WASF2: variants seen among roughly 807,000 people sequenced by gnomAD.
The protein encoded by WASF2 is WASP family member 2.
WASF2 carries 14 observed loss-of-function variants against 45.0 expected under a neutral mutation model. That is an observed-to-expected ratio of 0.31 (90% CI 0.21 to 0.49). The LOEUF (loss-of-function observed/expected upper bound fraction) is 0.49, where lower values mean the gene tolerates loss of function less well. Ranked by LOEUF, WASF2 falls within the 20% of genes least tolerant of loss-of-function variation. The probability of loss-of-function intolerance (pLI) is 0.99; values close to 1 mark genes in which losing one functional copy is unlikely to be tolerated. For missense variants in WASF2, 439 were observed against 636.1 expected, an observed-to-expected ratio of 0.69 and a Z score of 3.33; for synonymous variants, 200 against 236.3, an observed-to-expected ratio of 0.85 and a Z score of 1.41.
intron 1 of WASF2, among the ~76,000 whole-genome samples, chr1:27,487,555 T>C (rs1278876967): frequency 9.4e-6 from 1 of 106,804 alleles, no homozygotes; most frequent in Non-Finnish European, 1.8e-5. Context: ...ATATTATATA[T>C]ATTTTATACA....
intron 1 of WASF2, among the ~76,000 whole-genome samples, chr1:27,454,402 T>C (rs1016879324): frequency 1.3e-5 from 2 of 150,726 alleles, no homozygotes; most frequent in African/African-American, 4.9e-5. Context: ...CACGGTGAAG[T>C]GCAGTGGTGC....
At position 27,418,344 on chromosome 1, in the gene WASF2, G is replaced by A. The variant is rs1479543547; in HGVS notation, c.344C>T (p.Ser115Phe). 6.2e-7 allele frequency: 1 copy of A among 1,614,116 alleles called. No individual in the cohort carries two copies. Among genetic ancestry groups the A allele is most frequent in the Non-Finnish European group, 8.5e-7 (1 of 1,180,030 alleles). The change falls in exon 4 of 9, where the codon TCT (serine) becomes TTT (phenylalanine). Residue 115 changes from serine (S) to phenylalanine (F), a missense_variant. Ser to Phe is a radical substitution (Grantham distance 155). Coordinates refer to ENST00000618852, the MANE Select transcript of WASF2 (RefSeq NM_006990.5). ...IQDQKLFDRN[S>F]LPVPVLETYN... The stretch of plus-strand genomic sequence containing the variant: ...TGTTTCTAAGACAGGCACTGGGAGA[G>A]AGTTTCTGTCAAAAAGCTTCTGGTC...
intron 8 of WASF2, among the ~76,000 whole-genome samples, chr1:27,409,428 CAAAAAA>C (rs60940665): frequency 0.033 from 1,421 of 43,614 alleles, 9 homozygotes; most frequent in African/African-American, 0.081. Flanking sequence ...CTGTCCCCCA[CAAAAAA>C]AAAAAAAAAA....
chr1:27,453,102 C>T (rs1275936614), intron 1 of WASF2, among the ~76,000 whole-genome samples: 2 of 151,106 alleles, frequency 1.3e-5, no homozygotes, highest in Non-Finnish European at 2.9e-5. Flanking sequence ...AGCTACTCAG[C>T]AGGCTGAGGC....
intron 2 of WASF2, 114 bp from the exon 3 acceptor site, chr1:27,419,202 A>G: frequency 8.6e-7 from 1 of 1,168,578 alleles, no homozygotes; most frequent in Non-Finnish European, 1.2e-6. Flanking sequence ...ATATACACAC[A>G]CATACCCTAA....
chr1:27,455,346 A>G (rs1182897909), intron 1 of WASF2, among the ~76,000 whole-genome samples: 2 of 152,106 alleles, frequency 1.3e-5, no homozygotes, highest in Admixed American at 6.6e-5. Flanking sequence ...AATTAACCAG[A>G]TGAAGTCTGG....
At chr1:27,409,200 G>A (rs573252357) in intron 8 of WASF2, among the ~76,000 whole-genome samples, 171 of 151,968 alleles carry the variant, frequency 1.1e-3, no homozygotes, top group African/African-American at 3.1e-3. Context: ...CGAGGCGGGC[G>A]GATCACAAGG....
intron 1 of WASF2, among the ~76,000 whole-genome samples, chr1:27,481,995 T>C (rs986351525): frequency 6.6e-6 from 1 of 152,222 alleles, no homozygotes; most frequent in Admixed American, 6.5e-5. Flanking sequence ...GTTTCTATTC[T>C]TCTCTTTTCT....
At chr1:27,485,387 A>G (rs1204192142) in intron 1 of WASF2, among the ~76,000 whole-genome samples, 1 of 152,172 alleles carries the variant, frequency 6.6e-6, no homozygotes, top group Non-Finnish European at 1.5e-5. Flanking sequence ...GTTTGAGACC[A>G]GCCTGGCAAC....
intron 1 of WASF2, among the ~76,000 whole-genome samples, chr1:27,463,622 C>CA (rs998488815): frequency 0.11 from 4,313 of 40,946 alleles, 369 homozygotes; most frequent in African/African-American, 0.2. Context: ...GACTCTGTCT[C>CA]AAAAAAAAAA....
At chr1:27,415,088 G>C in intron 5 of WASF2, 125 bp from the exon 6 acceptor site, 1 of 1,243,288 alleles carries the variant, frequency 8.0e-7, no homozygotes, top group South Asian at 1.5e-5. Context: ...AATAACTACA[G>C]AACTTACAGA....
chr1:27,426,102 G>T (rs141085241), intron 2 of WASF2, among the ~76,000 whole-genome samples: 22 of 152,288 alleles, frequency 1.4e-4, no homozygotes, highest in Non-Finnish European at 2.5e-4. Flanking sequence ...GGTCTTGCAG[G>T]GTCCTGAATG....
chr1:27,414,819 A>G lies in WASF2; in HGVS notation c.668+14T>C. On this transcript the variant is annotated intron_variant, in intron 6 of 8. Transcript: ENST00000618852. This position sits in a 1 kb window ranked among gnomAD's most constrained non-coding sequence, Gnocchi z 4.1. The stretch of plus-strand genomic sequence containing the variant: ...TTCAAAGAATGCTACCAACAGTACA[A>G]AGGCATTACCTACCCAGAAGTCCCC... 9 of 1,614,004 alleles carry G rather than the reference A, an allele frequency of 5.6e-6. No homozygotes were observed. The highest frequency in any genetic ancestry group is 7.6e-6 in the Non-Finnish European group (9 of 1,179,986).
intron 1 of WASF2, among the ~76,000 whole-genome samples, chr1:27,485,082 A>T (rs1367240987): frequency 6.6e-6 from 1 of 152,096 alleles, no homozygotes; most frequent in African/African-American, 2.4e-5. Context: ...CCCAGGAGGC[A>T]GAGGTAGCAG....
intron 1 of WASF2, among the ~76,000 whole-genome samples, chr1:27,438,031 G>A (rs1171085049): frequency 6.6e-6 from 1 of 152,152 alleles, no homozygotes; most frequent in Non-Finnish European, 1.5e-5. Flanking sequence ...TATAGCCAAT[G>A]ACAGAAGAGA....
At chr1:27,443,439 C>T (rs1319209210) in intron 1 of WASF2, among the ~76,000 whole-genome samples, 1 of 151,358 alleles carries the variant, frequency 6.6e-6, no homozygotes, top group East Asian at 1.9e-4. Context: ...CATGGTGAAA[C>T]TCCGTCTCTA....
intron 1 of WASF2, among the ~76,000 whole-genome samples, chr1:27,472,702 C>T (rs1367905407): frequency 2.7e-5 from 4 of 147,380 alleles, no homozygotes; most frequent in African/African-American, 7.5e-5. Flanking sequence ...GTGGCTCATG[C>T]CTGTAACCCC....
chr1:27,417,954 A>G (rs1050857613), intron 4 of WASF2, among the ~76,000 whole-genome samples: 8 of 152,154 alleles, frequency 5.3e-5, no homozygotes, highest in African/African-American at 1.7e-4. Flanking sequence ...TTTTGGTTCT[A>G]TAATAACTAA....
rs1300940088 is a variant in WASF2, at chr1:27,414,944, G to A, written c.557C>T (p.Pro186Leu). Residue 186 changes from proline (P) to leucine (L), a missense_variant, in exon 6 of 9, where the codon CCA (proline) becomes CTA (leucine). Pro to Leu is a moderately conservative substitution (Grantham distance 98). This residue lies in a region of WASF2 where 23 missense variants were observed against 69.7 expected (regional missense o/e 0.33). Transcript: ENST00000618852. The surrounding 1 kb of genome is among the most constrained non-coding windows in gnomAD (Gnocchi z 4.1). ...RKHRKEKKDN[P>L]NRGNVNPRKI... ...ACGTGGGTTTACATTCCCTCGATTT[G>A]GATTATCTTTCTTTTCTTTCTATAA... 1 of 1,613,784 alleles carries A rather than the reference G, an allele frequency of 6.2e-7. No individual in the cohort carries two copies. Among genetic ancestry groups the A allele is most frequent in the African/African-American group, 1.3e-5 (1 of 74,854 alleles).
Sources: gnomAD v4.1 joint callset for allele counts (sites outside exome capture counted in the v4.1 genomes callset) on GRCh38, gnomAD v4.1.1 for gene constraint, gnomAD v4.1.1 regional missense constraint, Gnocchi (gnomAD v3.1) non-coding constraint, MANE v1.5 for transcripts, NCBI Gene and HGNC (gene_info 2026-07-23, HGNC 2026-07-21) for gene names.